UNC13A: variants seen among roughly 807,000 people sequenced by gnomAD.
The protein encoded by UNC13A is unc-13 homolog A, also known as protein unc-13 homolog A.
A neutral mutation model predicts 219.7 loss-of-function variants in UNC13A; 61 were observed. That is an observed-to-expected ratio of 0.28 (90% CI 0.23 to 0.34). The LOEUF is 0.34. Among genes scored for constraint, UNC13A ranks in the 10% least tolerant of loss-of-function variants. The probability of loss-of-function intolerance (pLI) is 1.00; values close to 1 mark genes in which losing one functional copy is unlikely to be tolerated. For synonymous variants in UNC13A, 920 were observed against 884.6 expected (o/e 1.04, Z -0.71); for missense variants, 1,476 against 2,270.3 (o/e 0.65, Z 7.11).
chr19:17,641,289 T>C (rs1402011747), intron 21 of UNC13A, 104 bp downstream of exon 21: 7 of 1,462,868 alleles, frequency 4.8e-6, no homozygotes, highest in South Asian at 1.3e-5. Context: ...CCACGCCCAC[T>C]TCCTCTCTGG....
intron 6 of UNC13A, among the ~76,000 whole-genome samples, 197 bp downstream of exon 6, chr19:17,667,920 C>T: frequency 6.6e-6 from 1 of 151,898 alleles, no homozygotes; most frequent in Admixed American, 6.6e-5. Flanking sequence ...TGCGCCTGGC[C>T]TCTGTGTGTT....
At chr19:17,660,448 C>G (rs928091243) in intron 8 of UNC13A, among the ~76,000 whole-genome samples, 1 of 151,878 alleles carries the variant, frequency 6.6e-6, no homozygotes, top group African/African-American at 2.4e-5. Flanking sequence ...GGTCTGTTTT[C>G]GGTTCAATTG....
intron 25 of UNC13A, 42 bp downstream of exon 25, chr19:17,639,040 TA>T: frequency 6.5e-7 from 1 of 1,538,838 alleles, no homozygotes; most frequent in South Asian, 1.2e-5. Context: ...AGCCTGTGTC[TA>T]GTTGGCATCA....
chr19:17,669,716 C>A, intron 4 of UNC13A, 40 bp from the exon 5 acceptor site: 1 of 1,575,850 alleles, frequency 6.3e-7, no homozygotes, highest in Non-Finnish European at 8.6e-7. Flanking sequence ...CAGGAATCTG[C>A]TGGTCACTAG....
chr19:17,647,323 C>T lies in UNC13A; in HGVS notation c.1986G>A (p.Ala662=), dbSNP rs773611773. The T allele has an allele frequency of 1.2e-5, 19 of 1,610,646 alleles. No individual in the cohort carries two copies. The highest frequency in any genetic ancestry group is 1.6e-4 in the Middle Eastern group (1 of 6,078). ...TGCCGTCCAGCACGCTCTGCTTGAC[C>T]GCCTTCATCTGCTGCGTGTGCGCCG... ...TKTAHTQQMK[A]VKQSVLDGTS... The change falls in exon 17 of 44, where the codon GCG becomes GCA. Residue 662 remains alanine, a synonymous_variant. Transcript: ENST00000519716.
chr19:17,609,838 C>T (rs745818983), intron 43 of UNC13A, 102 bp downstream of exon 43: 175 of 1,523,346 alleles, frequency 1.1e-4, no homozygotes, highest in Non-Finnish European at 1.4e-4. Context: ...CTCCCATTCC[C>T]GGGCCCAGAT....
rs2076506975 is a variant in UNC13A at position 17,605,074 on chromosome 19, C to T, written c.*980G>A. 6.5e-6 allele frequency: 1 copy of T among 152,692 alleles called. No individual in the cohort carries two copies. Among genetic ancestry groups the T allele is most frequent in the Admixed American group, 6.5e-5 (1 of 15,280 alleles). 9.5% of individuals were successfully genotyped at this position (152,692 alleles called of 1,614,324 possible). ...GAAAGGGCTGAGGGCAAAGGTCCTG[C>T]TTGGCAGCCGGAGAAGGAAAGGCGA... On this transcript the variant is annotated 3_prime_UTR_variant, in exon 44 of 44. Coordinates refer to ENST00000519716, the MANE Select transcript of UNC13A (RefSeq NM_001080421.3).
rs1555778878 is a variant in UNC13A, at chr19:17,631,180, T to TTCCTTCCTTCC, written c.3429-441_3429-431dup. On this transcript the variant is annotated intron_variant, in intron 28 of 43. Transcript: ENST00000519716. ...CTCCCTCCCTCCCTCCCTCCCTCCT[T>TTCCTTCCTTCC]TCCTTCCTTCCCTCCCTCCCTCCCT... Among the ~76,000 whole-genome samples the TTCCTTCCTTCC allele has an allele frequency of 6.0e-4, 6 of 9,922 alleles. 1 individual carries two copies. Among genetic ancestry groups the TTCCTTCCTTCC allele is most frequent in the Non-Finnish European group, 1.4e-3 (6 of 4,196 alleles). The allele number at this position is 9,922 out of a possible 152,430, so 6.5% of individuals were successfully genotyped here.
chr19:17,606,050 C>T lies in UNC13A; in HGVS notation c.*4G>A, dbSNP rs1218518616. 3 of 1,522,420 alleles carry T rather than the reference C, an allele frequency of 2.0e-6. No homozygotes were observed. Among genetic ancestry groups the T allele is most frequent in the Middle Eastern group, 2.0e-4 (1 of 4,990 alleles). 94.3% of individuals were successfully genotyped at this position (1,522,420 alleles called of 1,614,324 possible). On this transcript the variant is annotated 3_prime_UTR_variant, in exon 44 of 44. Coordinates refer to ENST00000519716, the MANE Select transcript of UNC13A (RefSeq NM_001080421.3). ...GCGCAGTGCCGCTCGGCCGACCGCC[C>T]GCGCTAAGGCGCAGGCGCGGCACCG...
intron 27 of UNC13A, 67 bp downstream of exon 27, chr19:17,633,041 G>A (rs2076873946): frequency 6.2e-7 from 1 of 1,607,316 alleles, no homozygotes; most frequent in Admixed American, 1.7e-5. Context: ...TCACAGCCTT[G>A]GAGGGGACAC....
rs929436088 is a variant in UNC13A, at chr19:17,605,802, C to T, written c.*252G>A. ...CAAAATGCCCCCTAGGTGCTGGGGG[C>T]GTGGCCTCAAGTTGGGGATGTGGCT... On this transcript the variant is annotated 3_prime_UTR_variant, in exon 44 of 44. Transcript: ENST00000519716. 1.6e-5 allele frequency: 7 copies of T among 435,138 alleles called. No individual in the cohort carries two copies. Among genetic ancestry groups the T allele is most frequent in the Non-Finnish European group, 2.8e-5 (7 of 249,426 alleles). 27.0% of individuals were successfully genotyped at this position (435,138 alleles called of 1,614,324 possible).
At chr19:17,607,159 G>C (rs543121485) in intron 43 of UNC13A, among the ~76,000 whole-genome samples, 25 of 152,234 alleles carry the variant, frequency 1.6e-4, no homozygotes, top group African/African-American at 5.5e-4. Context: ...ACACGACATG[G>C]AACTGGCTTC....
chr19:17,620,181 T>C (rs1005976567), intron 38 of UNC13A, among the ~76,000 whole-genome samples: 19 of 151,752 alleles, frequency 1.3e-4, no homozygotes, highest in Admixed American at 1.1e-3. Context: ...GGGGACAGGG[T>C]GGGGCTGAGT....
intron 4 of UNC13A, among the ~76,000 whole-genome samples, chr19:17,669,909 T>TTTCC (rs1271666973): frequency 1.1e-4 from 16 of 150,550 alleles, no homozygotes; most frequent in African/African-American, 3.7e-4. Context: ...ATTCCTTTCT[T>TTTCC]TTCCTTCCTT....
rs2076751066 is a variant in UNC13A at position 17,623,506 on chromosome 19, A to T, written c.4203+36T>A. The T allele has an allele frequency of 2.0e-6, 3 of 1,521,534 alleles. No individual in the cohort carries two copies. In the South Asian group the frequency reaches 3.7e-5, roughly 19 times the overall value. The allele number at this position is 1,521,534 out of a possible 1,614,324, so 94.3% of individuals were successfully genotyped here. A position where few individuals can be genotyped will look rare whatever the true frequency, so the allele number is the denominator to read the frequency against. ...TGGGCCGAGTCCAGACACAGAGAGG[A>T]CGGACAGACAGACGGACAGACGGGA... is the stretch of plus-strand genomic sequence containing the variant. On this transcript the variant is annotated intron_variant, in intron 36 of 43. Transcript: ENST00000519716.
At chr19:17,684,852 A>C (rs1299648299) in intron 1 of UNC13A, among the ~76,000 whole-genome samples, 1 of 152,226 alleles carries the variant, frequency 6.6e-6, no homozygotes, top group Non-Finnish European at 1.5e-5. Context: ...GTGTCACTAC[A>C]TCAGAGACAC....
Position 17,630,083 on chromosome 19 carries a change from A to G in UNC13A, c.3669+62T>C, listed in dbSNP as rs116610921. On this transcript the variant is annotated intron_variant, in intron 30 of 43. Transcript: ENST00000519716. ...CTCAACCTTAGCCCATCTCCAACTCAGACTTCAATTCCCTAACCCTGACCC... is the reference window on the plus strand; with the variant it reads ...CTCAACCTTAGCCCATCTCCAACTCGGACTTCAATTCCCTAACCCTGACCC... 3.2e-3 allele frequency: 4,795 copies of G among 1,520,008 alleles called. 126 individuals carry two copies. The African/African-American group carries it at 0.057, about 18-fold the overall frequency. The allele number at this position is 1,520,008 out of a possible 1,614,324, so 94.2% of individuals were successfully genotyped here. A position where few individuals can be genotyped will look rare whatever the true frequency, so the allele number is the denominator to read the frequency against.
chr19:17,674,562 C>T lies in UNC13A; in HGVS notation c.152+95G>A. On this transcript the variant is annotated intron_variant, in intron 3 of 43. Transcript: ENST00000519716. The surrounding 1 kb of genome is among the most constrained non-coding windows in gnomAD (Gnocchi z 5.0). Reference sequence around the variant, plus strand: ...GAAGAGGGAGGACAGAGGGGAGTCACCCGGGATTCCCCAGTGTCCAGCTCT... The same window carrying T: ...GAAGAGGGAGGACAGAGGGGAGTCATCCGGGATTCCCCAGTGTCCAGCTCT... 1.8e-6 allele frequency: 2 copies of T among 1,094,774 alleles called. No homozygotes were observed. The highest frequency in any genetic ancestry group is 2.7e-6 in the Non-Finnish European group (2 of 730,766). The allele number at this position is 1,094,774 out of a possible 1,614,324, so 67.8% of individuals were successfully genotyped here.
intron 29 of UNC13A, 78 bp downstream of exon 29, chr19:17,630,576 T>C: frequency 6.7e-7 from 1 of 1,486,752 alleles, no homozygotes; most frequent in South Asian, 1.1e-5. Context: ...GAGACTGGCC[T>C]CATCTCAAGG....
Sources: gnomAD v4.1 joint callset for allele counts (sites outside exome capture counted in the v4.1 genomes callset) on GRCh38, gnomAD v4.1.1 for gene constraint, Gnocchi (gnomAD v3.1) non-coding constraint, MANE v1.5 for transcripts, NCBI Gene and HGNC (gene_info 2026-07-23, HGNC 2026-07-21) for gene names.